COL4A5: variants seen among roughly 807,000 people sequenced by gnomAD.
COL4A5 encodes collagen type IV alpha 5 chain.
COL4A5 carries 26 observed loss-of-function variants against 130.2 expected under a neutral mutation model. The ratio of observed to expected loss-of-function variants is 0.20; its 90% CI spans 0.15 to 0.28. The LOEUF (loss-of-function observed/expected upper bound fraction) is 0.28. COL4A5 is among the 10% of genes least tolerant of loss of function. COL4A5 has a pLI of 1.00. For synonymous variants in COL4A5, 496 were observed against 439.6 expected (o/e 1.13, Z -1.60); for missense variants, 1,131 against 1,344.3 (o/e 0.84, Z 2.48).
intron 25 of COL4A5, among the ~76,000 whole-genome samples, chrX:108,599,203 C>T (rs1257823157): frequency 1.8e-5 from 2 of 111,634 alleles, no homozygotes; most frequent in African/African-American, 6.5e-5. Flanking sequence ...AAACCCCTAA[C>T]CTTTTCTCCC....
rs770263631 is a variant in COL4A5 at position 108,657,492 on chromosome X, G to A, written c.3373+2035G>A. 4.5e-5 allele frequency among the ~76,000 whole-genome samples: 5 copies of A among 111,379 alleles called. No homozygotes were observed. In the South Asian group the frequency reaches 1.8e-3, roughly 41 times the overall value. On this transcript the variant is annotated intron_variant, in intron 37 of 52. Transcript: ENST00000328300. Reference sequence around the variant, plus strand: ...TCTTGGCTATTCTAATTTTTTTGCAGGGGAAATCAGTTTATCAATTTCCAT... The same window carrying A: ...TCTTGGCTATTCTAATTTTTTTGCAAGGGAAATCAGTTTATCAATTTCCAT...
chrX:108,528,526 C>A (rs2065349221), intron 1 of COL4A5, among the ~76,000 whole-genome samples: 1 of 112,262 alleles, frequency 8.9e-6, no homozygotes. Context: ...AGATCTTAAT[C>A]AAAAAGACAC....
intron 1 of COL4A5, among the ~76,000 whole-genome samples, chrX:108,507,086 T>G (rs953106984): frequency 9.2e-6 from 1 of 108,160 alleles, no homozygotes; most frequent in African/African-American, 3.4e-5. Context: ...CAGGACCAGG[T>G]GGATTCACAG....
At chrX:108,454,422 C>T (rs112845288) in intron 1 of COL4A5, among the ~76,000 whole-genome samples, 5 of 110,466 alleles carry the variant, frequency 4.5e-5, no homozygotes, top group African/African-American at 1.3e-4. Flanking sequence ...GGATTACAGG[C>T]GCCCGCCACC....
At chrX:108,617,994 GGTGTGTGTAT>G (rs938799916) in intron 30 of COL4A5, among the ~76,000 whole-genome samples, 1 of 111,530 alleles carries the variant, frequency 9.0e-6, no homozygotes, top group African/African-American at 3.3e-5. Flanking sequence ...GTAGGGGGAG[GGTGTGTGTAT>G]GTGTGTGTAT....
At chrX:108,540,740 G>A (rs2065525671) in intron 2 of COL4A5, among the ~76,000 whole-genome samples, 2 of 112,225 alleles carry the variant, frequency 1.8e-5, no homozygotes, top group Non-Finnish European at 3.8e-5. Flanking sequence ...ATGCCCAGCT[G>A]AATGTTTATT....
Position 108,598,827 on chromosome X carries a change from C to T in COL4A5, c.1905C>T (p.Gly635=), listed in dbSNP as rs374207062. The part of the protein sequence containing the change: ...FGPPGPVGEK[G]IQGVAGNPGQ... ...CTCCAGGCCCAGTAGGTGAAAAAGG[C>T]ATACAAGGTGTGGCAGGAAATCCAG... Residue 635 remains glycine (G), a synonymous_variant, in exon 25 of 53, where the codon GGC becomes GGT. Coordinates refer to ENST00000328300, the MANE Select transcript of COL4A5 (RefSeq NM_033380.3). The T allele has an allele frequency of 5.8e-6, 7 of 1,209,893 alleles. No homozygotes were observed. The highest frequency in any genetic ancestry group is 5.6e-6 in the Non-Finnish European group (5 of 895,012).
At chrX:108,664,614 T>A (rs780843343) in intron 37 of COL4A5, among the ~76,000 whole-genome samples, 1 of 111,453 alleles carries the variant, frequency 9.0e-6, no homozygotes, top group East Asian at 2.8e-4. Context: ...GCTAGGAAAA[T>A]GAATAGGAAA....
Position 108,686,026 on chromosome X carries a change from T to C in COL4A5, c.4217-5T>C. 8.3e-7 allele frequency: 1 copy of C among 1,202,962 alleles called. No homozygotes were observed. The highest frequency in any genetic ancestry group is 1.1e-6 in the Non-Finnish European group (1 of 887,615). Reference sequence around the variant, plus strand: ...ATATTTGAATGCCTCATTCTTTTCCTGTAGGTCCAACTGGCCCTCCAGGAG... The same window carrying C: ...ATATTTGAATGCCTCATTCTTTTCCCGTAGGTCCAACTGGCCCTCCAGGAG... On this transcript the variant is annotated splice_region_variant and splice_polypyrimidine_tract_variant and intron_variant, in intron 47 of 52. Transcript: ENST00000328300.
At chrX:108,523,311 G>A (rs1400107460) in intron 1 of COL4A5, among the ~76,000 whole-genome samples, 3 of 111,929 alleles carry the variant, frequency 2.7e-5, no homozygotes, top group Non-Finnish European at 1.9e-5. Flanking sequence ...TTGCATATAG[G>A]TATCCAGTTG....
intron 8 of COL4A5, among the ~76,000 whole-genome samples, chrX:108,572,081 C>G (rs924699228): frequency 9.0e-6 from 1 of 111,221 alleles, no homozygotes; most frequent in Non-Finnish European, 1.9e-5. Context: ...CACTTTAAGT[C>G]TTCATCTTCT....
chrX:108,509,694 T>C (rs776339961), intron 1 of COL4A5, among the ~76,000 whole-genome samples: 24 of 112,133 alleles, frequency 2.1e-4, no homozygotes, highest in African/African-American at 6.8e-4. Context: ...GGAGCACTTA[T>C]ACACTGTTGG....
chrX:108,456,059 A>G (rs908175574), intron 1 of COL4A5, among the ~76,000 whole-genome samples: 3 of 101,510 alleles, frequency 3.0e-5, no homozygotes, highest in Non-Finnish European at 6.2e-5. Context: ...TTTAGGAACA[A>G]CTGAAATCTT....
intron 1 of COL4A5, among the ~76,000 whole-genome samples, chrX:108,447,861 A>T (rs923269843): frequency 1.8e-5 from 2 of 112,243 alleles, no homozygotes; most frequent in Non-Finnish European, 3.8e-5. Context: ...TTATAAATGA[A>T]CCACCCAGAC....
chrX:108,581,633 T>C (rs2066251848), intron 16 of COL4A5, among the ~76,000 whole-genome samples: 1 of 111,020 alleles, frequency 9.0e-6, no homozygotes, highest in African/African-American at 3.3e-5. Flanking sequence ...TCAGATACAT[T>C]GGATCATATT....
At chrX:108,667,373 A>C (rs966604776) in intron 40 of COL4A5, among the ~76,000 whole-genome samples, 190 bp downstream of exon 40, 7 of 111,765 alleles carry the variant, frequency 6.3e-5, no homozygotes, top group Non-Finnish European at 1.1e-4. Flanking sequence ...TTAAATAAAA[A>C]TGTATCCTTA....
chrX:108,667,212 A>ATC (rs747950754), intron 40 of COL4A5, 29 bp downstream of exon 40: 3 of 1,137,381 alleles, frequency 2.6e-6, no homozygotes, highest in Non-Finnish European at 3.6e-6. Context: ...TGCTAAATCA[A>ATC]TCTATAATAA....
At chrX:108,525,387 T>A (rs2065302485) in intron 1 of COL4A5, among the ~76,000 whole-genome samples, 2 of 112,134 alleles carry the variant, frequency 1.8e-5, no homozygotes, top group South Asian at 3.7e-4. Flanking sequence ...TGTTTTAATC[T>A]AATGTGTTCT....
In COL4A5 at chrX:108,584,468, C is replaced by T. The variant is rs757936401; in HGVS notation, c.991-16C>T. 1 of 1,196,850 alleles carries T rather than the reference C, an allele frequency of 8.4e-7. No individual in the cohort carries two copies. The highest frequency in any genetic ancestry group is 2.2e-5 in the Admixed American group (1 of 45,659). Reference sequence around the variant, plus strand: ...ATGTGAATTTTACTAACCTATTTTACAATTGCATTGAACAGGGCCAAAAAG... The same window carrying T: ...ATGTGAATTTTACTAACCTATTTTATAATTGCATTGAACAGGGCCAAAAAG... On this transcript the variant is annotated splice_polypyrimidine_tract_variant and intron_variant, in intron 17 of 52. Transcript: ENST00000328300.
Sources: gnomAD v4.1 joint callset for allele counts (sites outside exome capture counted in the v4.1 genomes callset) on GRCh38, gnomAD v4.1.1 for gene constraint, MANE v1.5 for transcripts, NCBI Gene and HGNC (gene_info 2026-07-23, HGNC 2026-07-21) for gene names.